Variants in UGT2B15 observed in about 807,000 individuals in gnomAD.
UGT2B15 encodes UDP-glucuronosyltransferase 2B15.
Under a neutral mutation model 45.9 loss-of-function variants are expected in UGT2B15, and 36 were observed. The ratio of observed to expected loss-of-function variants is 0.78; its 90% confidence interval spans 0.60 to 1.04. UGT2B15 has a LOEUF of 1.04. UGT2B15 is among the 50% of genes least tolerant of loss of function. UGT2B15 has a pLI of 0.00. For synonymous variants in UGT2B15, 219 were observed against 216.4 expected, an observed-to-expected ratio of 1.01 and a Z score of -0.11; for missense variants, 617 against 622.4, an observed-to-expected ratio of 0.99 and a Z score of 0.09.
rs143738613 is a variant in UGT2B15 at position 68,648,314 on chromosome 4, G to A, written c.1314-931C>T. ...CTTTCTTCTAGAGACAATGGCCTTC[G>A]GTTTTTCTCTAAACTCCTGAAGGTG... On this transcript the variant is annotated intron_variant, in intron 5 of 5. Coordinates refer to ENST00000338206, the MANE Select transcript of UGT2B15 (RefSeq NM_001076.4). Among the ~76,000 whole-genome samples the A allele has an allele frequency of 5.9e-3, 903 of 152,066 alleles. 10 individuals are homozygous for A. The highest frequency in any genetic ancestry group is 0.02 in the African/African-American group (836 of 41,468).
chr4:68,659,334 A>G (rs1037859139), intron 3 of UGT2B15, among the ~76,000 whole-genome samples: 3 of 151,996 alleles, frequency 2.0e-5, no homozygotes, highest in African/African-American at 7.2e-5. Flanking sequence ...CAAATTATAA[A>G]TTATGATTTT....
intron 5 of UGT2B15, 46 bp from the exon 6 acceptor site, chr4:68,647,429 G>T (rs188868928): frequency 6.4e-7 from 1 of 1,564,338 alleles, no homozygotes; most frequent in Non-Finnish European, 8.7e-7. Flanking sequence ...TAAATTTATT[G>T]CTTAAGCATA....
Position 68,657,189 on chromosome 4 carries a change from T to G in UGT2B15, c.1006-2007A>C, listed in dbSNP as rs182986074. 5.7e-3 allele frequency among the ~76,000 whole-genome samples: 863 copies of G among 152,262 alleles called. 7 individuals are homozygous for G. The highest frequency in any genetic ancestry group is 0.019 in the African/African-American group (807 of 41,546). ...TCCAAAGTGAAAGGGCATCTGCTCC[T>G]CCCAGGCAAAAGGCACCCCTAAGCA... On this transcript the variant is annotated intron_variant, in intron 3 of 5. Coordinates refer to ENST00000338206, the MANE Select transcript of UGT2B15 (RefSeq NM_001076.4).
At chr4:68,659,596 A>T (rs1480557634) in intron 3 of UGT2B15, among the ~76,000 whole-genome samples, 1 of 152,024 alleles carries the variant, frequency 6.6e-6, no homozygotes, top group Non-Finnish European at 1.5e-5. Flanking sequence ...ATTGTGTGCC[A>T]CAGAGGTAAC....
At chr4:68,654,874 T>A (rs1732758201) in intron 4 of UGT2B15, among the ~76,000 whole-genome samples, 1 of 152,076 alleles carries the variant, frequency 6.6e-6, no homozygotes, top group Non-Finnish European at 1.5e-5. Flanking sequence ...AAAGAGATTT[T>A]TATTCTGACC....
chr4:68,654,069 G>C lies in UGT2B15; in HGVS notation c.1281C>G (p.Leu427=). 6.2e-7 allele frequency: 1 copy of C among 1,613,522 alleles called. No homozygotes were observed. Among genetic ancestry groups the C allele is most frequent in the Non-Finnish European group, 8.5e-7 (1 of 1,179,610 alleles). The change falls in exon 5 of 6, where the codon CTC becomes CTG. Residue 427 remains leucine (L), a synonymous_variant. Coordinates refer to ENST00000338206, the MANE Select transcript of UGT2B15 (RefSeq NM_001076.4). ...CATTAATGACTGACTTCAATGCATT[G>C]AGCAAATCTCTACTTGACATGGTCC... ...DIRTMSSRDL[L]NALKSVINDP...
intron 3 of UGT2B15, among the ~76,000 whole-genome samples, chr4:68,659,745 A>G (rs1445809112): frequency 1.3e-5 from 2 of 151,988 alleles, no homozygotes; most frequent in African/African-American, 4.8e-5. Flanking sequence ...GTGCTCTTGA[A>G]AAAAAGTTTT....
rs1034789228 is a variant in UGT2B15, at chr4:68,649,468, C to G, written c.1314-2085G>C. 2.3e-4 allele frequency among the ~76,000 whole-genome samples: 35 copies of G among 151,610 alleles called. 1 individual carries two copies. Among genetic ancestry groups the G allele is most frequent in the African/African-American group, 8.2e-4 (34 of 41,328 alleles). ...CTAAGTTTTGTATTATTAGTGGACA[C>G]AGGATTTCACCATGTTGGCCAGGCT... On this transcript the variant is annotated intron_variant, in intron 5 of 5. Transcript: ENST00000338206.
intron 2 of UGT2B15, among the ~76,000 whole-genome samples, chr4:68,667,490 T>G (rs1733175597): frequency 6.6e-6 from 1 of 152,134 alleles, no homozygotes; most frequent in Non-Finnish European, 1.5e-5. Context: ...GTTTTCTTTT[T>G]GGGTGTTTAT....
intron 1 of UGT2B15, 144 bp from the exon 2 acceptor site, chr4:68,668,332 A>G: frequency 2.0e-5 from 23 of 1,143,822 alleles, no homozygotes; most frequent in Non-Finnish European, 2.4e-5. Flanking sequence ...ATATATAAAT[A>G]CATTTATATA....
intron 1 of UGT2B15, among the ~76,000 whole-genome samples, chr4:68,668,811 C>T (rs1733217131): frequency 6.6e-6 from 1 of 152,134 alleles, no homozygotes; most frequent in South Asian, 2.1e-4. Flanking sequence ...AACTTCTTTT[C>T]TTTATAAATT....
chr4:68,647,030 A>G lies in UGT2B15; in HGVS notation c.*74T>C. On this transcript the variant is annotated 3_prime_UTR_variant, in exon 6 of 6. Coordinates refer to ENST00000338206, the MANE Select transcript of UGT2B15 (RefSeq NM_001076.4). ...TGTCACAGGAAAAAGGAAATCCTCC[A>G]TTTAAAACCCTCCATGCTGAAATAA... 3 of 1,531,488 alleles carry G rather than the reference A, an allele frequency of 2.0e-6. No homozygotes were observed. Among genetic ancestry groups the G allele is most frequent in the South Asian group, 1.3e-5 (1 of 76,266 alleles). The allele number at this position is 1,531,488 out of a possible 1,614,324, so 94.9% of individuals were successfully genotyped here. A position where few individuals can be genotyped will look rare whatever the true frequency, so the allele number is the denominator to read the frequency against.
chr4:68,663,706 T>C (rs1733032430), intron 2 of UGT2B15, among the ~76,000 whole-genome samples: 1 of 152,040 alleles, frequency 6.6e-6, no homozygotes, highest in African/African-American at 2.4e-5. Context: ...TAACCCTTTA[T>C]ATTTCACTTA....
intron 2 of UGT2B15, among the ~76,000 whole-genome samples, chr4:68,664,300 G>T (rs1733055197): frequency 1.4e-5 from 2 of 147,748 alleles, no homozygotes; most frequent in Middle Eastern, 3.3e-3. Flanking sequence ...AAGAGGAAAA[G>T]AAATGTAGAC....
At chr4:68,660,707 A>T (rs1431136921) in intron 3 of UGT2B15, among the ~76,000 whole-genome samples, 1 of 151,824 alleles carries the variant, frequency 6.6e-6, no homozygotes, top group Non-Finnish European at 1.5e-5. Context: ...CTGAATTCTA[A>T]TTTTTCATGG....
intron 3 of UGT2B15, among the ~76,000 whole-genome samples, chr4:68,662,120 G>C (rs1036001061): frequency 6.6e-6 from 1 of 151,980 alleles, no homozygotes; most frequent in African/African-American, 2.4e-5. Context: ...ATTCAGAGAG[G>C]GCTATGTCAG....
At chr4:68,654,913 T>A (rs1732759324) in intron 4 of UGT2B15, among the ~76,000 whole-genome samples, 182 bp downstream of exon 4, 1 of 152,104 alleles carries the variant, frequency 6.6e-6, no homozygotes, top group African/African-American at 2.4e-5. Flanking sequence ...TGTAATAAAA[T>A]GCCAACTACT....
intron 2 of UGT2B15, among the ~76,000 whole-genome samples, chr4:68,666,748 A>ATT (rs1455065826): frequency 0.015 from 1,237 of 82,408 alleles, 29 homozygotes; most frequent in African/African-American, 0.038. Context: ...ATATATATAT[A>ATT]TATATTTTTT....
In UGT2B15 at chr4:68,655,175, CA is replaced by C; in HGVS notation, c.1012del (p.Trp338GlyfsTer11). 6.2e-7 allele frequency: 1 copy of C among 1,613,218 alleles called. No individual in the cohort carries two copies. Among genetic ancestry groups the C allele is most frequent in the Non-Finnish European group, 8.5e-7 (1 of 1,179,520 alleles). On this transcript the variant is annotated frameshift_variant, in exon 4 of 6. Coordinates refer to ENST00000338206, the MANE Select transcript of UGT2B15 (RefSeq NM_001076.4). LOFTEE classifies it high-confidence loss of function. ...ATTTGGCTTCTTGCCATCAAATCTC[CA>C]TAGAACCTGTTAGGGCAAGGAAAAT... ...ALAQIPQKVL[W>X]RFDGKKPNTL...
Sources: gnomAD v4.1 joint callset for allele counts (sites outside exome capture counted in the v4.1 genomes callset) on GRCh38, gnomAD v4.1.1 for gene constraint, MANE v1.5 for transcripts, NCBI Gene and HGNC (gene_info 2026-07-23, HGNC 2026-07-21) for gene names.